The following NAV3 variants were observed in gnomAD, a reference collection of about 807,000 sequenced individuals.
The protein encoded by NAV3 is pore membrane and/or filament interacting like protein 1.
Under a neutral mutation model 244.7 loss-of-function variants are expected in NAV3, and 87 were observed. The observed-to-expected ratio is 0.36, with a 90% CI of 0.30 to 0.42. NAV3 has a LOEUF of 0.42. NAV3 is among the 20% of genes least tolerant of loss of function. NAV3 has a pLI of 1.00. For synonymous variants in NAV3, 1,126 were observed against 1,042.2 expected (o/e 1.08, Z -1.55); for missense variants, 2,663 against 2,893.3 (o/e 0.92, Z 1.83).
intron 2 of NAV3, among the ~76,000 whole-genome samples, chr12:77,625,718 A>T (rs1017209728): frequency 1.3e-5 from 2 of 152,210 alleles, no homozygotes; most frequent in African/African-American, 4.8e-5. Flanking sequence ...CATATGGAGA[A>T]TACACTATTG....
intron 2 of NAV3, among the ~76,000 whole-genome samples, chr12:77,808,834 C>T (rs1468226419): frequency 3.9e-5 from 6 of 152,212 alleles, no homozygotes; most frequent in Admixed American, 2.6e-4. Flanking sequence ...CTATAAGCTC[C>T]TGACTGGGGC....
intron 2 of NAV3, among the ~76,000 whole-genome samples, chr12:77,761,052 T>A (rs374222798): frequency 3.3e-5 from 5 of 152,156 alleles, no homozygotes; most frequent in African/African-American, 4.8e-5. Flanking sequence ...ATTTTATTAA[T>A]TGATTTACTA....
At position 77,961,711 on chromosome 12, in the gene NAV3, G is replaced by C. The variant is rs1485867688; in HGVS notation, c.415-4518G>C. 2.2e-5 allele frequency among the ~76,000 whole-genome samples: 3 copies of C among 136,296 alleles called. No homozygotes were observed. In the Admixed American group the frequency reaches 2.4e-4, roughly 11 times the overall value. 89.4% of individuals were successfully genotyped at this position (136,296 alleles called of 152,430 possible). ...ATATATGTTATATAATATAAGTAAT[G>C]TATGTTACATATATGTAATATATGA... On this transcript the variant is annotated intron_variant, in intron 3 of 39. Coordinates refer to ENST00000397909, the MANE Select transcript of NAV3 (RefSeq NM_001024383.2).
At chr12:77,662,198 C>G (rs1474999027) in intron 2 of NAV3, among the ~76,000 whole-genome samples, 1 of 149,838 alleles carries the variant, frequency 6.7e-6, no homozygotes, top group Non-Finnish European at 1.5e-5. Context: ...TGGCATATCT[C>G]ACCTTATTAT....
rs1379258337 is a variant in NAV3, at chr12:77,769,895, T to C, written c.73-170424T>C. The stretch of plus-strand genomic sequence containing the variant: ...GAAAGTGATGTATTATAAATAAGTA[T>C]GTTTAGTGAAATGAATGTTTGACCA... On this transcript the variant is annotated intron_variant, in intron 2 of 8. Coordinates refer to the NAV3 transcript ENST00000550042. Among the ~76,000 whole-genome samples, 10 of 152,328 alleles carry C rather than the reference T, an allele frequency of 6.6e-5. No homozygotes were observed. The East Asian group carries it at 1.2e-3, about 18-fold the overall frequency.
At chr12:77,849,767 C>T (rs1877218661) in intron 1 of NAV3, among the ~76,000 whole-genome samples, 1 of 152,040 alleles carries the variant, frequency 6.6e-6, no homozygotes. Flanking sequence ...AAAGTCCAAA[C>T]CTTAATAATT....
chr12:77,867,513 A>G (rs367617524), intron 1 of NAV3, among the ~76,000 whole-genome samples: 27 of 152,166 alleles, frequency 1.8e-4, no homozygotes, highest in South Asian at 8.3e-4. Flanking sequence ...TCCGCCTCCC[A>G]GGTTCATGCC....
chr12:77,889,746 C>A (rs1184045121), intron 1 of NAV3, among the ~76,000 whole-genome samples: 1 of 152,104 alleles, frequency 6.6e-6, no homozygotes, highest in Non-Finnish European at 1.5e-5. Context: ...AGGTTTTTCT[C>A]AATATCACTC....
chr12:77,823,691 A>C (rs1170764686), intron 2 of NAV3, among the ~76,000 whole-genome samples: 1 of 152,236 alleles, frequency 6.6e-6, no homozygotes, highest in Non-Finnish European at 1.5e-5. Context: ...ACAAGTGTAC[A>C]ATTCAAAATG....
Position 78,059,025 on chromosome 12 carries a change from A to G in NAV3, c.2546A>G (p.Tyr849Cys). 2 of 1,609,548 alleles carry G rather than the reference A, an allele frequency of 1.2e-6. No homozygotes were observed. The highest frequency in any genetic ancestry group is 1.7e-6 in the Non-Finnish European group (2 of 1,177,884). Reference sequence around the variant, plus strand: ...ATGACAGATGGAGGACTTAACCTATATACTAGAAGTCTGAACCGAATACCA... The same window carrying G: ...ATGACAGATGGAGGACTTAACCTATGTACTAGAAGTCTGAACCGAATACCA... Reference protein sequence around the residue: ...GYMTDGGLNLYTRSLNRIPDT... With the variant: ...GYMTDGGLNLCTRSLNRIPDT... Residue 849 changes from tyrosine to cysteine, a missense_variant, in exon 12 of 40, where the codon TAT (tyrosine) becomes TGT (cysteine). Coordinates refer to ENST00000397909, the MANE Select transcript of NAV3 (RefSeq NM_001024383.2).
At chr12:78,064,065 T>G (rs1284949455) in intron 12 of NAV3, among the ~76,000 whole-genome samples, 1 of 151,812 alleles carries the variant, frequency 6.6e-6, no homozygotes, top group Non-Finnish European at 1.5e-5. Flanking sequence ...ACAGGTAGAG[T>G]GCTTAGAAAG....
intron 2 of NAV3, among the ~76,000 whole-genome samples, chr12:77,658,862 G>T (rs569385691): frequency 1.3e-5 from 2 of 152,278 alleles, no homozygotes; most frequent in African/African-American, 4.8e-5. Context: ...ATGGGGAAAG[G>T]ATTCCCTATT....
At chr12:77,744,311 A>G (rs1592640398) in intron 2 of NAV3, among the ~76,000 whole-genome samples, 1 of 152,020 alleles carries the variant, frequency 6.6e-6, no homozygotes, top group Non-Finnish European at 1.5e-5. Context: ...AGGCAATTCT[A>G]TGAGACAAGG....
intron 2 of NAV3, among the ~76,000 whole-genome samples, chr12:77,656,092 A>T (rs769949298): frequency 6.6e-6 from 1 of 151,642 alleles, no homozygotes; most frequent in Admixed American, 6.6e-5. Context: ...GAGAGGTTCA[A>T]ATTCACACAT....
chr12:78,038,615 C>T (rs1318839202), intron 9 of NAV3, among the ~76,000 whole-genome samples: 1 of 152,180 alleles, frequency 6.6e-6, no homozygotes, highest in Non-Finnish European at 1.5e-5. Context: ...TCTGAATACA[C>T]CAGGTGCTCC....
At chr12:78,149,201 A>C (rs1465539089) in intron 22 of NAV3, among the ~76,000 whole-genome samples, 2 of 152,074 alleles carry the variant, frequency 1.3e-5, no homozygotes, top group African/African-American at 4.8e-5. Flanking sequence ...TGCTATTTTT[A>C]TTACTCCTCT....
At chr12:77,988,759 T>C (rs930516445) in intron 5 of NAV3, among the ~76,000 whole-genome samples, 3 of 152,228 alleles carry the variant, frequency 2.0e-5, no homozygotes, top group African/African-American at 4.8e-5. Context: ...CAGTTTATTT[T>C]CCCCCATTGC....
chr12:77,998,365 G>C lies in NAV3; in HGVS notation c.769G>C (p.Ala257Pro). Residue 257 changes from alanine (A) to proline (P), a missense_variant, in exon 7 of 40, where the codon GCA becomes CCA. This residue lies in a region of NAV3 where 1,521 missense variants were observed against 1,497.0 expected (regional missense o/e 1.02). Transcript: ENST00000397909. ...RLPGPSRVPA[A>P]GSSSKVQGAS... is the part of the protein sequence containing the mutation. ...TCCAGGGCCCTCTAGGGTGCCTGCT[G>C]CAGGAAGCAGCAGCAAGGTCCAGGG... The C allele has an allele frequency of 6.2e-7, 1 of 1,600,136 alleles. No individual in the cohort carries two copies. The highest frequency in any genetic ancestry group is 8.5e-7 in the Non-Finnish European group (1 of 1,173,578).
At chr12:77,664,265 A>G (rs1474520958) in intron 2 of NAV3, among the ~76,000 whole-genome samples, 1 of 152,226 alleles carries the variant, frequency 6.6e-6, no homozygotes, top group Non-Finnish European at 1.5e-5. Flanking sequence ...AATATCCATG[A>G]AAATCTTCCT....
Sources: gnomAD v4.1 joint callset for allele counts (sites outside exome capture counted in the v4.1 genomes callset) on GRCh38, gnomAD v4.1.1 for gene constraint, gnomAD v4.1.1 regional missense constraint, MANE v1.5 for transcripts, NCBI Gene and HGNC (gene_info 2026-07-23, HGNC 2026-07-21) for gene names.